CADPS2: variants seen among roughly 807,000 people sequenced by gnomAD.
CADPS2 encodes the protein calcium-dependent secretion activator 2.
CADPS2 carries 93 observed loss-of-function variants against 172.5 expected under a neutral mutation model. That is an observed-to-expected ratio of 0.54 (90% confidence interval 0.46 to 0.64). The LOEUF (loss-of-function observed/expected upper bound fraction) is 0.64. CADPS2 is among the 30% of genes least tolerant of loss of function. The pLI is 0.00. For synonymous variants in CADPS2, 546 were observed against 555.2 expected (o/e 0.98, Z 0.23); for missense variants, 1,420 against 1,565.9 (o/e 0.91, Z 1.57).
At chr7:122,812,690 C>A (rs896981794) in intron 1 of CADPS2, among the ~76,000 whole-genome samples, 1 of 151,926 alleles carries the variant, frequency 6.6e-6, no homozygotes, top group Non-Finnish European at 1.5e-5. Context: ...TATGATAGGA[C>A]CAATGTCTTA....
chr7:122,816,219 TTCTA>T (rs2140261011), intron 1 of CADPS2, among the ~76,000 whole-genome samples: 1 of 140,310 alleles, frequency 7.1e-6, no homozygotes, highest in South Asian at 2.7e-4. Flanking sequence ...CTAACCATTA[TTCTA>T]CTCTCTATCT....
chr7:122,519,873 A>T (rs1586813434), intron 8 of CADPS2, among the ~76,000 whole-genome samples: 1 of 149,308 alleles, frequency 6.7e-6, no homozygotes, highest in Non-Finnish European at 1.5e-5. Flanking sequence ...ATTTTTTTTT[A>T]AAGGAAATGG....
chr7:122,325,986 C>T (rs1033177552), intron 28 of CADPS2, among the ~76,000 whole-genome samples: 1 of 151,318 alleles, frequency 6.6e-6, no homozygotes, highest in African/African-American at 2.4e-5. Flanking sequence ...TTCTATTAGC[C>T]TGCATGTTAC....
chr7:122,847,302 G>C (rs915793514), intron 1 of CADPS2, among the ~76,000 whole-genome samples: 4 of 152,104 alleles, frequency 2.6e-5, no homozygotes, highest in African/African-American at 9.7e-5. Context: ...GGCCAGGCTG[G>C]TCTAGAACTC....
intron 1 of CADPS2, among the ~76,000 whole-genome samples, chr7:122,751,476 A>T (rs2092952237): frequency 6.6e-6 from 1 of 152,180 alleles, no homozygotes; most frequent in Non-Finnish European, 1.5e-5. Context: ...ATCCAGGACA[A>T]TTCTCCCTCA....
At chr7:122,515,592 T>C (rs1027453418) in intron 8 of CADPS2, among the ~76,000 whole-genome samples, 2 of 152,064 alleles carry the variant, frequency 1.3e-5, no homozygotes, top group African/African-American at 2.4e-5. Flanking sequence ...ACAGCCTGCT[T>C]CTCAGCTCTT....
At chr7:122,719,167 G>A (rs2090061478) in intron 2 of CADPS2, among the ~76,000 whole-genome samples, 1 of 151,980 alleles carries the variant, frequency 6.6e-6, no homozygotes, top group Non-Finnish European at 1.5e-5. Flanking sequence ...CACTGAGAGG[G>A]CCCTGAGGGG....
chr7:122,870,193 C>A (rs894115142), intron 1 of CADPS2, among the ~76,000 whole-genome samples: 2 of 151,978 alleles, frequency 1.3e-5, no homozygotes, highest in African/African-American at 4.8e-5. Context: ...AACTACCCAA[C>A]TATATGCTTC....
intron 19 of CADPS2, among the ~76,000 whole-genome samples, chr7:122,413,730 C>CA (rs2047573555): frequency 6.6e-6 from 1 of 152,146 alleles, no homozygotes; most frequent in Non-Finnish European, 1.5e-5. Context: ...CAGACCAATT[C>CA]ACTCCCCAAT....
chr7:122,336,891 A>C (rs541819945), intron 28 of CADPS2, among the ~76,000 whole-genome samples: 1 of 152,340 alleles, frequency 6.6e-6, no homozygotes, highest in South Asian at 2.1e-4. Flanking sequence ...GCACAATTAA[A>C]GGTGAGTTAA....
intron 1 of CADPS2, among the ~76,000 whole-genome samples, chr7:122,778,153 C>T (rs1274955203): frequency 1.3e-5 from 2 of 152,036 alleles, no homozygotes; most frequent in African/African-American, 4.8e-5. Flanking sequence ...CTGAGGTGGT[C>T]TCAGATGGAG....
At chr7:122,688,401 A>G (rs2083901147) in intron 2 of CADPS2, among the ~76,000 whole-genome samples, 2 of 152,194 alleles carry the variant, frequency 1.3e-5, no homozygotes, top group African/African-American at 2.4e-5. Flanking sequence ...TCTAAGTTTC[A>G]TGTGTTAGGT....
At chr7:122,344,901 T>C (rs1585142619) in intron 28 of CADPS2, among the ~76,000 whole-genome samples, 1 of 152,254 alleles carries the variant, frequency 6.6e-6, no homozygotes, top group East Asian at 1.9e-4. Flanking sequence ...AATTATCAAC[T>C]ATATTAGCTG....
chr7:122,821,373 A>G (rs1237372802), intron 1 of CADPS2, among the ~76,000 whole-genome samples: 10 of 152,114 alleles, frequency 6.6e-5, no homozygotes. Flanking sequence ...ATAACTTCTC[A>G]GTGTTCCATC....
chr7:122,647,967 T>C (rs1470432145), intron 3 of CADPS2, among the ~76,000 whole-genome samples: 1 of 152,214 alleles, frequency 6.6e-6, no homozygotes, highest in Non-Finnish European at 1.5e-5. Flanking sequence ...CTTACCTTGT[T>C]AGTTCTTCTC....
chr7:122,702,807 G>T (rs77929503), intron 2 of CADPS2: 19 of 1,299,122 alleles, frequency 1.5e-5, no homozygotes, highest in Non-Finnish European at 1.8e-5. Flanking sequence ...ATCAGTTGTA[G>T]AAGAACATAA....
Position 122,751,632 on chromosome 7 carries a change from G to A in CADPS2, c.340-14564C>T, listed in dbSNP as rs763030539. Among the ~76,000 whole-genome samples the A allele has an allele frequency of 3.9e-5, 6 of 152,164 alleles. No individual in the cohort carries two copies. In the East Asian group the frequency reaches 9.7e-4, roughly 25 times the overall value. On this transcript the variant is annotated intron_variant, in intron 1 of 29. Transcript: ENST00000449022. ...ATGAAAAGGGTCTCACAATACACAC[G>A]GCACATACAAGTCTCCACAGCCAAC...
chr7:122,644,584 A>G (rs2078094195), intron 3 of CADPS2, among the ~76,000 whole-genome samples: 1 of 152,152 alleles, frequency 6.6e-6, no homozygotes, highest in African/African-American at 2.4e-5. Flanking sequence ...GAGTAATTCC[A>G]CCTGTATTTG....
At chr7:122,692,763 TC>T (rs377152096) in intron 2 of CADPS2, among the ~76,000 whole-genome samples, 4 of 152,172 alleles carry the variant, frequency 2.6e-5, no homozygotes, top group African/African-American at 9.7e-5. Context: ...GAAAGAACAC[TC>T]GGGGCCGTAA....
Sources: gnomAD v4.1 joint callset for allele counts (sites outside exome capture counted in the v4.1 genomes callset) on GRCh38, gnomAD v4.1.1 for gene constraint, MANE v1.5 for transcripts, NCBI Gene and HGNC (gene_info 2026-07-23, HGNC 2026-07-21) for gene names.